The following CHST7 variants were observed in gnomAD, a reference collection of about 807,000 sequenced individuals.
CHST7 encodes N-acetylglucosamine 6-O-sulfotransferase 4.
In CHST7, 5 loss-of-function variants were observed where a neutral mutation model predicts 9.0. That is an observed-to-expected ratio of 0.56 (90% CI 0.29 to 1.17). CHST7 has a LOEUF of 1.17. Ranked by LOEUF, CHST7 falls within the 50% of genes most tolerant of loss-of-function variation. The probability of loss-of-function intolerance (pLI) is 0.08; values close to 1 mark genes in which losing one functional copy is unlikely to be tolerated. For missense variants in CHST7, 377 were observed against 485.1 expected (o/e 0.78, Z 2.09); for synonymous variants, 244 against 237.1 (o/e 1.03, Z -0.27).
chrX:46,588,799 CA>C (rs1942560856), intron 1 of CHST7, among the ~76,000 whole-genome samples: 1 of 110,587 alleles, frequency 9.0e-6, no homozygotes, highest in Admixed American at 9.6e-5. Context: ...ATTTCAATGT[CA>C]CTTTTTTTTT....
In CHST7 at chrX:46,574,483, G is replaced by A. The variant is rs774424444; in HGVS notation, c.552G>A (p.Thr184=). Residue 184 remains threonine, a synonymous_variant, in exon 1 of 2, where the codon ACG becomes ACA. Transcript: ENST00000276055. ...ACCCCGCTGCGCGCGCCCCGGACAC[G>A]GCCAATCTTACCACGGCCGCCCTCT... ...PGDPAARAPD[T]ANLTTAALFR... The A allele has an allele frequency of 2.1e-5, 25 of 1,205,720 alleles. 1 individual carries two copies. The Admixed American group carries it at 2.4e-4, about 12-fold the overall frequency.
At chrX:46,593,635 C>T (rs1942581657) in intron 1 of CHST7, among the ~76,000 whole-genome samples, 1 of 111,987 alleles carries the variant, frequency 8.9e-6, no homozygotes, top group African/African-American at 3.2e-5. Context: ...ACCATTTATA[C>T]TTAATCTAAT....
intron 1 of CHST7, among the ~76,000 whole-genome samples, chrX:46,585,934 G>T (rs984012637): frequency 2.7e-5 from 3 of 110,838 alleles, no homozygotes; most frequent in Non-Finnish European, 1.9e-5. Flanking sequence ...TTTCAGTAGA[G>T]ACAGGGTTTC....
At chrX:46,584,407 C>T (rs1705010435) in intron 1 of CHST7, among the ~76,000 whole-genome samples, 1 of 76,763 alleles carries the variant, frequency 1.3e-5, no homozygotes, top group African/African-American at 6.7e-5. Context: ...CGTGGTGGCA[C>T]ATGCCTATAA....
intron 1 of CHST7, among the ~76,000 whole-genome samples, chrX:46,580,226 T>G (rs1422597870): frequency 9.1e-6 from 1 of 109,777 alleles, no homozygotes; most frequent in Non-Finnish European, 1.9e-5. Context: ...CCCAGCTAAT[T>G]TTTTTGTATT....
intron 1 of CHST7, among the ~76,000 whole-genome samples, chrX:46,579,597 C>A (rs923007819): frequency 9.8e-5 from 11 of 112,284 alleles, no homozygotes; most frequent in African/African-American, 3.6e-4. Context: ...ATCATGTAAA[C>A]AGGAAAAGAA....
intron 1 of CHST7, among the ~76,000 whole-genome samples, chrX:46,584,535 CAAAAAAA>C (rs397777408): frequency 3.8e-5 from 2 of 52,746 alleles, no homozygotes; most frequent in South Asian, 1.5e-3. Flanking sequence ...GAAACTGTCT[CAAAAAAA>C]AAAAAAAAAA....
intron 1 of CHST7, among the ~76,000 whole-genome samples, chrX:46,579,095 G>A (rs895767780): frequency 9.0e-6 from 1 of 110,933 alleles, no homozygotes; most frequent in Admixed American, 9.6e-5. Flanking sequence ...CATCCCCTGG[G>A]CCAGATGGGA....
Position 46,573,920 on chromosome X carries a change from G to T in CHST7, c.-12G>T. On this transcript the variant is annotated 5_prime_UTR_variant, in exon 1 of 2. Coordinates refer to ENST00000276055, the MANE Select transcript of CHST7 (RefSeq NM_019886.4). Reference sequence around the variant, plus strand: ...GACTGGCGCCCGACCCGCTCTGGAGGGTCGGTGAACGATGAAGGGCCGGCG... The same window carrying T: ...GACTGGCGCCCGACCCGCTCTGGAGTGTCGGTGAACGATGAAGGGCCGGCG... The T allele has an allele frequency of 8.7e-7, 1 of 1,155,882 alleles. No homozygotes were observed. Among genetic ancestry groups the T allele is most frequent in the South Asian group, 1.9e-5 (1 of 52,722 alleles).
In CHST7 at chrX:46,598,369, C is replaced by CATACT. The variant is rs1347062726; in HGVS notation, c.*644_*648dup. On this transcript the variant is annotated 3_prime_UTR_variant, in exon 2 of 2. Coordinates refer to ENST00000276055, the MANE Select transcript of CHST7 (RefSeq NM_019886.4). The stretch of plus-strand genomic sequence containing the variant: ...TTTTTCTGTCTGGCGTTTTTGTAAT[C>CATACT]ATACTATTAAATGACTCTGGAGTCA... 1 of 112,154 alleles carries CATACT rather than the reference C, an allele frequency of 8.9e-6. No homozygotes were observed. The highest frequency in any genetic ancestry group is 1.9e-5 in the Non-Finnish European group (1 of 53,258). The allele number at this position is 112,154 out of a possible 1,213,427, so 9.2% of individuals were successfully genotyped here. A position where few individuals can be genotyped will look rare whatever the true frequency, so the allele number is the denominator to read the frequency against.
At chrX:46,576,993 G>A (rs957206016) in intron 1 of CHST7, among the ~76,000 whole-genome samples, 2 of 111,434 alleles carry the variant, frequency 1.8e-5, no homozygotes, top group African/African-American at 6.5e-5. Flanking sequence ...TTCATCTGCT[G>A]ATCCTGTATT....
At chrX:46,577,549 G>A (rs182389120) in intron 1 of CHST7, among the ~76,000 whole-genome samples, 64 of 111,635 alleles carry the variant, frequency 5.7e-4, no homozygotes, top group African/African-American at 2.0e-3. Flanking sequence ...CCTTACTGAA[G>A]GGCTATGTGT....
intron 1 of CHST7, among the ~76,000 whole-genome samples, chrX:46,585,988 G>A (rs994509686): frequency 2.7e-5 from 3 of 110,733 alleles, no homozygotes; most frequent in African/African-American, 9.9e-5. Context: ...CAAGTGATCC[G>A]CCTGCCTCGG....
At position 46,574,118 on chromosome X, in the gene CHST7, G is replaced by C. The variant is rs1986169989; in HGVS notation, c.187G>C (p.Gly63Arg). ...GTGGAGCCTGGAGGCGGCGGCGGCC[G>C]GCGAACGCGAGCAGGGAGCGGAGGC... is the stretch of plus-strand genomic sequence containing the variant. ...GVWSLEAAAA[G>R]EREQGAEARA... Residue 63 changes from glycine (G) to arginine (R), a missense_variant, in exon 1 of 2, where the codon GGC becomes CGC. Gly to Arg is a moderately radical substitution (Grantham distance 125, BLOSUM62 -2). Around this residue, in one of 3 missense-constraint regions of CHST7, gnomAD observed 239 missense variants for 325.7 expected, o/e 0.73. Transcript: ENST00000276055. 12 of 1,159,149 alleles carry C rather than the reference G, an allele frequency of 1.0e-5. No individual in the cohort carries two copies. Among genetic ancestry groups the C allele is most frequent in the Non-Finnish European group, 1.4e-5 (12 of 871,348 alleles).
intron 1 of CHST7, among the ~76,000 whole-genome samples, chrX:46,582,842 A>G (rs1413402041): frequency 9.0e-6 from 1 of 110,692 alleles, no homozygotes; most frequent in Non-Finnish European, 1.9e-5. Context: ...AACCATTCAT[A>G]CATTTTCTCT....
chrX:46,574,645 G>A lies in CHST7; in HGVS notation c.714G>A (p.Glu238=). 1 of 1,208,783 alleles carries A rather than the reference G, an allele frequency of 8.3e-7. No homozygotes were observed. Among genetic ancestry groups the A allele is most frequent in the Non-Finnish European group, 1.1e-6 (1 of 894,126 alleles). The change falls in exon 1 of 2, where the codon GAG becomes GAA. Residue 238 remains glutamate, a synonymous_variant. Coordinates refer to ENST00000276055, the MANE Select transcript of CHST7 (RefSeq NM_019886.4). The part of the protein sequence containing the change: ...SCPPVAIRAL[E]AECRKYPVVV... ...CACCCGTGGCGATACGCGCCCTGGA[G>A]GCCGAGTGCCGAAAGTACCCGGTGG...
chrX:46,578,474 C>T (rs1160247493), intron 1 of CHST7, among the ~76,000 whole-genome samples: 2 of 108,523 alleles, frequency 1.8e-5, no homozygotes, highest in East Asian at 5.8e-4. Context: ...TGTCATGGCT[C>T]ACTGCAGCCT....
intron 1 of CHST7, among the ~76,000 whole-genome samples, chrX:46,576,978 A>G (rs1372341907): frequency 9.0e-6 from 1 of 111,730 alleles, no homozygotes; most frequent in African/African-American, 3.3e-5. Flanking sequence ...TAACAAAAAC[A>G]TCCTTTCATC....
At position 46,574,705 on chromosome X, in the gene CHST7, C is replaced by A. The variant is rs1384006897; in HGVS notation, c.774C>A (p.Gly258=). Residue 258 remains glycine (G), a synonymous_variant, in exon 1 of 2, where the codon GGC becomes GGA. Transcript: ENST00000276055. The stretch of plus-strand genomic sequence containing the variant: ...AGGACGTGCGCCTGCTCGATCTGGG[C>A]GTGCTGGTGCCCCTGTTGCGTGATC... ...VIKDVRLLDL[G]VLVPLLRDPG... 8 of 1,209,404 alleles carry A rather than the reference C, an allele frequency of 6.6e-6. No individual in the cohort carries two copies. The highest frequency in any genetic ancestry group is 8.9e-6 in the Non-Finnish European group (8 of 894,273).
Sources: allele counts gnomAD v4.1 joint callset (sites outside exome capture counted in the v4.1 genomes callset), GRCh38; gene constraint gnomAD v4.1.1; regional missense constraint gnomAD v4.1.1; transcripts MANE v1.5; gene names NCBI Gene and HGNC (gene_info 2026-07-23, HGNC 2026-07-21).